The following ERC2 variants were observed in gnomAD, a reference collection of about 807,000 sequenced individuals.
ERC2 encodes ERC protein 2.
ERC2 carries 42 observed loss-of-function variants against 114.8 expected under a neutral mutation model. The ratio of observed to expected loss-of-function variants is 0.37; its 90% CI spans 0.29 to 0.47. ERC2 has a LOEUF of 0.47. ERC2 is among the 20% of genes least tolerant of loss of function. The pLI is 0.99. For missense variants in ERC2, 939 were observed against 1,150.7 expected, an observed-to-expected ratio of 0.82 and a Z score of 2.66; for synonymous variants, 454 against 425.5, an observed-to-expected ratio of 1.07 and a Z score of -0.82.
chr3:56,084,306 G>A (rs962256222), intron 6 of ERC2, among the ~76,000 whole-genome samples: 1 of 152,132 alleles, frequency 6.6e-6, no homozygotes, highest in African/African-American at 2.4e-5. Flanking sequence ...ACAACATGGA[G>A]ATTTCTCAAA....
chr3:55,586,513 T>C (rs1471474810), intron 17 of ERC2, among the ~76,000 whole-genome samples: 1 of 152,234 alleles, frequency 6.6e-6, no homozygotes, highest in African/African-American at 2.4e-5. Flanking sequence ...TATTTAGCCA[T>C]TATTAATTTC....
chr3:55,725,950 C>A (rs1308480603), intron 15 of ERC2, among the ~76,000 whole-genome samples: 1 of 152,174 alleles, frequency 6.6e-6, no homozygotes, highest in Non-Finnish European at 1.5e-5. Context: ...GAGTGTCTTA[C>A]CCAATTGCTT....
At chr3:55,985,756 A>C (rs1246903853) in intron 12 of ERC2, among the ~76,000 whole-genome samples, 1 of 152,218 alleles carries the variant, frequency 6.6e-6, no homozygotes, top group Non-Finnish European at 1.5e-5. Context: ...AATAGAATTA[A>C]ATAATCCAAC....
intron 17 of ERC2, among the ~76,000 whole-genome samples, chr3:55,576,100 C>T (rs1399805569): frequency 6.6e-6 from 1 of 152,046 alleles, no homozygotes; most frequent in Admixed American, 6.5e-5. Context: ...CACCTGAGGT[C>T]AAGAGTTTGA....
At chr3:55,831,802 C>T (rs1575757324) in intron 14 of ERC2, among the ~76,000 whole-genome samples, 1 of 152,184 alleles carries the variant, frequency 6.6e-6, no homozygotes, top group Non-Finnish European at 1.5e-5. Flanking sequence ...CAGGGCGAGG[C>T]ATTGCCTCAC....
chr3:56,214,462 G>A (rs1403039669), intron 3 of ERC2, among the ~76,000 whole-genome samples: 4 of 152,070 alleles, frequency 2.6e-5, no homozygotes, highest in African/African-American at 7.2e-5. Flanking sequence ...AAAAAGAAAC[G>A]AACAAAGCCT....
chr3:55,924,943 A>G (rs892369630), intron 13 of ERC2, among the ~76,000 whole-genome samples: 12 of 152,156 alleles, frequency 7.9e-5, no homozygotes, highest in African/African-American at 2.9e-4. Flanking sequence ...CTTGCTAAGG[A>G]CAGTACAGAG....
chr3:55,658,126 G>C (rs1403488942), intron 17 of ERC2: 1 of 152,196 alleles, frequency 6.6e-6, no homozygotes, highest in African/African-American at 2.4e-5. Flanking sequence ...GACTAGTCTG[G>C]CTTTGGGCAC....
intron 2 of ERC2, among the ~76,000 whole-genome samples, chr3:56,349,359 A>G (rs1200949802): frequency 6.6e-6 from 1 of 152,210 alleles, no homozygotes; most frequent in African/African-American, 2.4e-5. Flanking sequence ...GCACACACCC[A>G]CTTACCCCCA....
intron 15 of ERC2, among the ~76,000 whole-genome samples, chr3:55,722,004 C>G (rs779170588): frequency 1.1e-4 from 16 of 152,192 alleles, no homozygotes; most frequent in Admixed American, 3.3e-4. Context: ...GGCGTAAGAA[C>G]AGCCTTGGAT....
chr3:56,218,682 C>T (rs944816292), intron 3 of ERC2, among the ~76,000 whole-genome samples: 15 of 152,184 alleles, frequency 9.9e-5, no homozygotes, highest in Non-Finnish European at 5.9e-5. Flanking sequence ...TATAAAGACA[C>T]ATGCACACGT....
chr3:56,374,876 A>G (rs1323458861), intron 2 of ERC2, among the ~76,000 whole-genome samples: 1 of 152,234 alleles, frequency 6.6e-6, no homozygotes, highest in East Asian at 1.9e-4. Context: ...AATCCTGATT[A>G]TCTCAGTCTT....
intron 2 of ERC2, among the ~76,000 whole-genome samples, chr3:56,364,115 A>C (rs1217367597): frequency 6.6e-6 from 1 of 152,218 alleles, no homozygotes; most frequent in Non-Finnish European, 1.5e-5. Context: ...GTACATTCAC[A>C]CTAAGTGAAT....
intron 13 of ERC2, among the ~76,000 whole-genome samples, chr3:55,915,166 A>G (rs1049740302): frequency 6.6e-6 from 1 of 152,112 alleles, no homozygotes; most frequent in African/African-American, 2.4e-5. Context: ...CTACTTTACC[A>G]AGTATATAAA....
intron 17 of ERC2, among the ~76,000 whole-genome samples, chr3:55,627,625 G>A (rs959656099): frequency 1.3e-5 from 2 of 152,138 alleles, no homozygotes; most frequent in Non-Finnish European, 2.9e-5. Context: ...GAAGATGAGT[G>A]TCTTAAAGCC....
chr3:55,667,958 CA>C (rs1014240619), intron 17 of ERC2, among the ~76,000 whole-genome samples: 135 of 152,312 alleles, frequency 8.9e-4, no homozygotes, highest in African/African-American at 3.1e-3. Context: ...GGATACTTAG[CA>C]GAGTCCCTGG....
chr3:56,239,342 C>T (rs533751602), intron 3 of ERC2, among the ~76,000 whole-genome samples: 1 of 151,344 alleles, frequency 6.6e-6, no homozygotes, highest in Admixed American at 6.6e-5. Context: ...CATGGTGAAA[C>T]CCTGTCACAA....
chr3:55,854,165 C>T (rs1239129444), intron 14 of ERC2, among the ~76,000 whole-genome samples: 1 of 152,102 alleles, frequency 6.6e-6, no homozygotes, highest in Non-Finnish European at 1.5e-5. Context: ...GTCCCAGCTA[C>T]TTGGGAAGCT....
At chr3:55,753,258 TAGAAAAC>T (rs2066833271) in intron 14 of ERC2, among the ~76,000 whole-genome samples, 1 of 152,088 alleles carries the variant, frequency 6.6e-6, no homozygotes, top group Non-Finnish European at 1.5e-5. Flanking sequence ...CTATAAGGCA[TAGAAAAC>T]AGAAAACAGG....
Sources: allele counts gnomAD v4.1 joint callset (sites outside exome capture counted in the v4.1 genomes callset), GRCh38; gene constraint gnomAD v4.1.1; transcripts MANE v1.5; gene names NCBI Gene and HGNC (gene_info 2026-07-23, HGNC 2026-07-21).